Variants in RAI1 observed in about 807,000 individuals in gnomAD.
RAI1 encodes the protein retinoic acid induced 1, also known as retinoic acid-induced protein 1.
RAI1 carries 9 observed loss-of-function variants against 123.8 expected under a neutral mutation model. The ratio of observed to expected loss-of-function variants is 0.07; its 90% CI spans 0.04 to 0.13. The LOEUF (loss-of-function observed/expected upper bound fraction) is 0.13, where lower values mean the gene tolerates loss of function less well. Among genes scored for constraint, RAI1 ranks in the 10% least tolerant of loss-of-function variants. The pLI is 1.00. For synonymous variants in RAI1, 1,231 were observed against 1,127.3 expected, an observed-to-expected ratio of 1.09 and a Z score of -1.84; for missense variants, 2,256 against 2,545.8, an observed-to-expected ratio of 0.89 and a Z score of 2.45.
intron 1 of RAI1, among the ~76,000 whole-genome samples, chr17:17,705,592 A>T (rs1310272200): frequency 3.3e-5 from 5 of 152,088 alleles, no homozygotes; most frequent in African/African-American, 9.7e-5. Flanking sequence ...CAGGTGTGGT[A>T]GCACACACTT....
At chr17:17,776,379 T>C (rs995008883) in intron 2 of RAI1, among the ~76,000 whole-genome samples, 1 of 150,140 alleles carries the variant, frequency 6.7e-6, no homozygotes, top group Admixed American at 6.6e-5. Flanking sequence ...TTGTACACAC[T>C]TTTTTTTTTG....
intron 1 of RAI1, chr17:17,684,597 G>C (rs1221115580): frequency 6.7e-6 from 1 of 149,656 alleles, no homozygotes; most frequent in Non-Finnish European, 1.5e-5. Flanking sequence ...AAGTTCCCTT[G>C]GCACCCTCCC....
intron 4 of RAI1, among the ~76,000 whole-genome samples, chr17:17,808,389 A>T (rs1276590911): frequency 1.0e-5 from 1 of 97,374 alleles, no homozygotes; most frequent in Admixed American, 1.2e-4. Flanking sequence ...TTATTTTATT[A>T]TTTTATTTTA....
At position 17,793,337 on chromosome 17, in the gene RAI1, A is replaced by T; in HGVS notation, c.389A>T (p.Gln130Leu). 1.2e-6 allele frequency: 2 copies of T among 1,612,640 alleles called. No homozygotes were observed. The highest frequency in any genetic ancestry group is 1.7e-6 in the Non-Finnish European group (2 of 1,179,784). Residue 130 changes from glutamine to leucine, a missense_variant, in exon 3 of 6, where the codon CAG (glutamine) becomes CTG (leucine). Physicochemically the swap from Gln to Leu is moderately radical, Grantham distance 113. Around this residue, in one of 7 missense-constraint regions of RAI1, gnomAD observed 336 missense variants for 349.8 expected, o/e 0.96. Transcript: ENST00000353383. ...GGGGCCCCACAGCCACCACCCCCACAGCCGCAGCCACTACCTGCAGGGGTG... is the reference window on the plus strand; with the variant it reads ...GGGGCCCCACAGCCACCACCCCCACTGCCGCAGCCACTACCTGCAGGGGTG... ...AWGAPQPPPP[Q>L]PQPLPAGVAK...
At chr17:17,743,855 A>C (rs1054288167) in intron 2 of RAI1, among the ~76,000 whole-genome samples, 5 of 152,254 alleles carry the variant, frequency 3.3e-5, no homozygotes, top group African/African-American at 4.8e-5. Flanking sequence ...GGCCAAGGAC[A>C]TCTTTTAGGC....
At chr17:17,684,042 T>C (rs909676899) in intron 1 of RAI1, 2 of 151,938 alleles carry the variant, frequency 1.3e-5, no homozygotes, top group Non-Finnish European at 2.9e-5. Flanking sequence ...CGTAGCTAAT[T>C]TTAAATTTTT....
intron 2 of RAI1, among the ~76,000 whole-genome samples, chr17:17,783,049 C>G (rs1275947525): frequency 7.1e-6 from 1 of 141,238 alleles, no homozygotes; most frequent in Non-Finnish European, 1.5e-5. Context: ...ACGGGAGAAT[C>G]AGGGAGATGA....
At chr17:17,772,188 G>A (rs766242175) in intron 2 of RAI1, among the ~76,000 whole-genome samples, 1 of 152,198 alleles carries the variant, frequency 6.6e-6, no homozygotes, top group Non-Finnish European at 1.5e-5. Flanking sequence ...TGGTGCTTAG[G>A]ACCATGGACT....
In RAI1 at chr17:17,704,971, G is replaced by T. The variant is rs13342824; in HGVS notation, c.-148-19057G>T. On this transcript the variant is annotated intron_variant, in intron 1 of 5. Transcript: ENST00000353383. ...CCTTTCATGGCCATGAGGATCCACAGAACTCACTTTCCTCTGGTAGACCAA... is the reference window on the plus strand; with the variant it reads ...CCTTTCATGGCCATGAGGATCCACATAACTCACTTTCCTCTGGTAGACCAA... 3.9e-3 allele frequency among the ~76,000 whole-genome samples: 594 copies of T among 152,288 alleles called. 3 individuals are homozygous for T. The highest frequency in any genetic ancestry group is 0.014 in the African/African-American group (565 of 41,554).
Position 17,803,689 on chromosome 17 carries a change from C to T in RAI1, c.5566-67C>T, listed in dbSNP as rs997739290. 8.9e-6 allele frequency: 13 copies of T among 1,467,870 alleles called. No individual in the cohort carries two copies. In the African/African-American group the frequency reaches 1.7e-4, roughly 19 times the overall value. The allele number at this position is 1,467,870 out of a possible 1,614,324, so 90.9% of individuals were successfully genotyped here. A position where few individuals can be genotyped will look rare whatever the true frequency, so the allele number is the denominator to read the frequency against. The stretch of plus-strand genomic sequence containing the variant: ...GCATGAGCCACTGCACCTGGCCTAC[C>T]AGCCTGTAAAGCTTGAGGGCTGGGC... On this transcript the variant is annotated intron_variant, in intron 3 of 5. Coordinates refer to ENST00000353383, the MANE Select transcript of RAI1 (RefSeq NM_030665.4).
chr17:17,705,679 T>A (rs923144389), intron 1 of RAI1, among the ~76,000 whole-genome samples: 10 of 151,858 alleles, frequency 6.6e-5, no homozygotes, highest in African/African-American at 2.2e-4. Flanking sequence ...TGAGCTGAGA[T>A]CGCACCACTC....
chr17:17,698,941 C>G (rs891302486), intron 1 of RAI1, among the ~76,000 whole-genome samples: 12 of 152,210 alleles, frequency 7.9e-5, no homozygotes, highest in Non-Finnish European at 1.6e-4. Flanking sequence ...TGATCTGAGT[C>G]GTGCATTCAT....
intron 1 of RAI1, among the ~76,000 whole-genome samples, chr17:17,690,197 C>CAA (rs1408143664): frequency 6.6e-6 from 1 of 151,900 alleles, no homozygotes; most frequent in Non-Finnish European, 1.5e-5. Context: ...CCAGCCTGGC[C>CAA]AAACATGGTG....
rs2032431034 is a variant in RAI1, at chr17:17,800,677, T to C, written c.5565+2164T>C. 6.6e-6 allele frequency among the ~76,000 whole-genome samples: 1 copy of C among 152,210 alleles called. No individual in the cohort carries two copies. The highest frequency in any genetic ancestry group is 1.5e-5 in the Non-Finnish European group (1 of 68,018). ...TGTCTGCTGTGCCATGCTCCAGAAA[T>C]GGCCTGACAGCCTGCGCAACTAGGG... On this transcript the variant is annotated intron_variant, in intron 3 of 5. Transcript: ENST00000353383. This position sits in a 1 kb window ranked among gnomAD's most constrained non-coding sequence, Gnocchi z 4.7.
chr17:17,733,981 C>T (rs1303877367), intron 2 of RAI1, among the ~76,000 whole-genome samples: 1 of 152,126 alleles, frequency 6.6e-6, no homozygotes, highest in African/African-American at 2.4e-5. Flanking sequence ...CGTTCTGATT[C>T]GTCTTCCACT....
intron 1 of RAI1, among the ~76,000 whole-genome samples, chr17:17,691,603 G>A (rs1368612643): frequency 6.6e-6 from 1 of 152,232 alleles, no homozygotes; most frequent in Non-Finnish European, 1.5e-5. Flanking sequence ...GCAGGAGTGT[G>A]TTGTGGGTGG....
chr17:17,768,600 C>T (rs906622145), intron 2 of RAI1, among the ~76,000 whole-genome samples: 3 of 152,202 alleles, frequency 2.0e-5, no homozygotes, highest in African/African-American at 4.8e-5. Context: ...GCTGTCAGGG[C>T]GACGGTGTGT....
intron 2 of RAI1, among the ~76,000 whole-genome samples, chr17:17,761,088 C>T (rs2030678159): frequency 6.6e-6 from 1 of 152,210 alleles, no homozygotes; most frequent in Non-Finnish European, 1.5e-5. Flanking sequence ...TAGGCTAGTT[C>T]CTTGTCCTCT....
At chr17:17,770,826 G>C (rs936892562) in intron 2 of RAI1, 3 of 152,290 alleles carry the variant, frequency 2.0e-5, no homozygotes, top group African/African-American at 7.2e-5. Context: ...CATCCCCACT[G>C]TCCTCAGCAG....
Sources: allele counts gnomAD v4.1 joint callset (sites outside exome capture counted in the v4.1 genomes callset), GRCh38; gene constraint gnomAD v4.1.1; regional missense constraint gnomAD v4.1.1; non-coding constraint Gnocchi (gnomAD v3.1); transcripts MANE v1.5; gene names NCBI Gene and HGNC (gene_info 2026-07-23, HGNC 2026-07-21).